FYN: variants seen among roughly 807,000 people sequenced by gnomAD.
The protein encoded by FYN is FYN proto-oncogene, Src family tyrosine kinase, also known as tyrosine-protein kinase Fyn.
A neutral mutation model predicts 70.2 loss-of-function variants in FYN; 10 were observed. The ratio of observed to expected loss-of-function variants is 0.14; its 90% CI spans 0.09 to 0.24. FYN has a LOEUF of 0.24. Among genes scored for constraint, FYN ranks in the 10% least tolerant of loss-of-function variants. FYN has a pLI of 1.00. For synonymous variants in FYN, 236 were observed against 248.6 expected (o/e 0.95, Z 0.48); for missense variants, 319 against 673.1 (o/e 0.47, Z 5.82).
At position 111,702,866 on chromosome 6, in the gene FYN, T is replaced by C. The variant is rs200446110; in HGVS notation, c.697+19A>G. 6.4e-5 allele frequency: 103 copies of C among 1,611,870 alleles called. No individual in the cohort carries two copies. The East Asian group carries it at 1.7e-3, about 27-fold the overall frequency. The stretch of plus-strand genomic sequence containing the variant: ...CTCCAGCATCCAAATGGTTAGTAGG[T>C]AGTTAGAATTAAGGTTACCTGAGTA... On this transcript the variant is annotated intron_variant, in intron 8 of 13. Transcript: ENST00000354650.
intron 3 of FYN, among the ~76,000 whole-genome samples, chr6:111,774,982 G>A (rs1020144343): frequency 1.3e-5 from 2 of 152,142 alleles, no homozygotes; most frequent in African/African-American, 4.8e-5. Context: ...GCCTCCCAAA[G>A]TGCTGGGATT....
At chr6:111,782,654 G>A (rs1771218757) in intron 2 of FYN, among the ~76,000 whole-genome samples, 1 of 152,190 alleles carries the variant, frequency 6.6e-6, no homozygotes, top group African/African-American at 2.4e-5. Flanking sequence ...CATAATGCCT[G>A]CCTTCCTGGG....
intron 4 of FYN, 120 bp from the exon 5 acceptor site, chr6:111,714,563 T>A (rs564303969): frequency 3.0e-5 from 22 of 732,598 alleles, no homozygotes; most frequent in Admixed American, 2.0e-4. Context: ...ACTAATAACA[T>A]GATGAAGTGT....
chr6:111,793,852 C>T (rs1303652075), intron 2 of FYN: 1 of 152,250 alleles, frequency 6.6e-6, no homozygotes, highest in Non-Finnish European at 1.5e-5. Flanking sequence ...ACCGCGTGGT[C>T]ACACTCTGGC....
rs568229803 is a variant in FYN at position 111,855,050 on chromosome 6, G to C, written c.-122-8421C>G. On this transcript the variant is annotated intron_variant, in intron 1 of 13. Coordinates refer to ENST00000354650, the MANE Select transcript of FYN (RefSeq NM_002037.5). ...CTTATTTTTGAACTCAGGTTTTTTT[G>C]TGCATATATGAAAAGTGAAACGATG... Among the ~76,000 whole-genome samples the C allele has an allele frequency of 6.6e-5, 10 of 152,152 alleles. 1 individual carries two copies. The South Asian group carries it at 2.1e-3, about 32-fold the overall frequency.
intron 9 of FYN, among the ~76,000 whole-genome samples, chr6:111,697,997 A>G (rs1799648400): frequency 6.6e-6 from 1 of 152,226 alleles, no homozygotes; most frequent in African/African-American, 2.4e-5. Flanking sequence ...TTATTAAACT[A>G]GCTAACTCAT....
At position 111,719,978 on chromosome 6, in the gene FYN, C is replaced by T; in HGVS notation, c.74G>A (p.Ser25Asn). ...GTCTGTGCCATAGCGGTACCCAGAGCTCTGGTTCAGGCTGCCGTCCCTCTC... is the reference window on the plus strand; with the variant it reads ...GTCTGTGCCATAGCGGTACCCAGAGTTCTGGTTCAGGCTGCCGTCCCTCTC... ...TEERDGSLNQ[S>N]SGYRYGTDPT... The change falls in exon 4 of 14, where the codon AGC (serine) becomes AAC (asparagine). Residue 25 changes from serine (S) to asparagine (N), a missense_variant. Physicochemically the swap from Ser to Asn is conservative, Grantham distance 46. Around this residue, in one of 4 missense-constraint regions of FYN, gnomAD observed 128 missense variants for 183.9 expected, o/e 0.70. Transcript: ENST00000354650. The T allele has an allele frequency of 6.2e-7, 1 of 1,613,994 alleles. No individual in the cohort carries two copies. The highest frequency in any genetic ancestry group is 8.5e-7 in the Non-Finnish European group (1 of 1,179,876).
chr6:111,834,605 C>G (rs142947181), intron 2 of FYN, among the ~76,000 whole-genome samples: 2 of 152,304 alleles, frequency 1.3e-5, no homozygotes, highest in Admixed American at 6.5e-5. Flanking sequence ...CAGGGATGTA[C>G]AGAAGGTGGT....
chr6:111,812,789 T>TA (rs1371339171), intron 2 of FYN, among the ~76,000 whole-genome samples: 2 of 151,910 alleles, frequency 1.3e-5, no homozygotes, highest in Non-Finnish European at 2.9e-5. Context: ...TCTTCGTCTA[T>TA]AAAGGGGTGT....
chr6:111,707,457 C>A (rs923548445), intron 6 of FYN, among the ~76,000 whole-genome samples: 1 of 152,182 alleles, frequency 6.6e-6, no homozygotes, highest in Admixed American at 6.5e-5. Flanking sequence ...GTCACTTTTA[C>A]CGGGCATAGA....
At chr6:111,780,518 C>T (rs1194601672) in intron 3 of FYN, 48 bp downstream of exon 3, 1 of 152,596 alleles carries the variant, frequency 6.6e-6, no homozygotes, top group East Asian at 1.9e-4. Flanking sequence ...CCTTCGTGAG[C>T]ACCCTTTTAC....
In FYN at chr6:111,661,115, C is replaced by CT. The variant is rs1797715207; in HGVS notation, c.*623dup. 1.3e-5 allele frequency: 2 copies of CT among 152,236 alleles called. No individual in the cohort carries two copies. Among genetic ancestry groups the CT allele is most frequent in the South Asian group, 4.1e-4 (2 of 4,822 alleles). 9.4% of individuals were successfully genotyped at this position (152,236 alleles called of 1,614,324 possible). On this transcript the variant is annotated 3_prime_UTR_variant, in exon 14 of 14. Coordinates refer to ENST00000354650, the MANE Select transcript of FYN (RefSeq NM_002037.5). The surrounding 1 kb of genome is among the most constrained non-coding windows in gnomAD (Gnocchi z 4.0). Reference sequence around the variant, plus strand: ...TGGTGTTTTCAGAATAACACCGGTGCTTTGATGCTGACTTGCAGTAAAATC... The same window carrying CT: ...TGGTGTTTTCAGAATAACACCGGTGCTTTTGATGCTGACTTGCAGTAAAATC...
At chr6:111,734,512 T>G (rs1352367561) in intron 3 of FYN, among the ~76,000 whole-genome samples, 3 of 152,210 alleles carry the variant, frequency 2.0e-5, no homozygotes, top group East Asian at 3.9e-4. Context: ...GAAGAACAAC[T>G]TATGATCTGG....
intron 6 of FYN, among the ~76,000 whole-genome samples, chr6:111,706,844 A>G (rs1800113079): frequency 6.6e-6 from 1 of 152,234 alleles, no homozygotes; most frequent in Non-Finnish European, 1.5e-5. Context: ...AATCTGCCCT[A>G]AAATACAAAT....
intron 3 of FYN, among the ~76,000 whole-genome samples, chr6:111,760,655 T>G (rs6568706): frequency 6.6e-6 from 1 of 152,026 alleles, no homozygotes; most frequent in Non-Finnish European, 1.5e-5. Context: ...GGGCCTCCCC[T>G]CAAGCTGGGA....
intron 2 of FYN, among the ~76,000 whole-genome samples, chr6:111,784,617 GAT>G (rs1210887058): frequency 6.6e-6 from 1 of 152,162 alleles, no homozygotes; most frequent in Non-Finnish European, 1.5e-5. Context: ...AAGCCACACT[GAT>G]ATGTCATTTC....
intron 9 of FYN, among the ~76,000 whole-genome samples, chr6:111,698,684 C>T (rs1799687374): frequency 6.6e-6 from 1 of 152,184 alleles, no homozygotes. Context: ...CCAGCCTTAT[C>T]AATGACAATC....
intron 4 of FYN, among the ~76,000 whole-genome samples, chr6:111,715,115 C>T (rs1340110384): frequency 1.3e-5 from 2 of 152,196 alleles, no homozygotes; most frequent in African/African-American, 4.8e-5. Context: ...CTCTTCCTCA[C>T]ACCCACCCTA....
At chr6:111,676,437 T>G (rs1798534052) in intron 12 of FYN, 1 of 152,256 alleles carries the variant, frequency 6.6e-6, no homozygotes, top group Admixed American at 6.5e-5. Flanking sequence ...TGATTCCACA[T>G]AAGACCTGGT....
Sources: gnomAD v4.1 joint callset for allele counts (sites outside exome capture counted in the v4.1 genomes callset) on GRCh38, gnomAD v4.1.1 for gene constraint, gnomAD v4.1.1 regional missense constraint, Gnocchi (gnomAD v3.1) non-coding constraint, MANE v1.5 for transcripts, NCBI Gene and HGNC (gene_info 2026-07-23, HGNC 2026-07-21) for gene names.